ACVR1: variants seen among roughly 807,000 people sequenced by gnomAD.
ACVR1 encodes the protein activin receptor type-1.
In ACVR1, 38 loss-of-function variants were observed where a neutral mutation model predicts 57.1. That is an observed-to-expected ratio of 0.67 (90% CI 0.51 to 0.87). The LOEUF (loss-of-function observed/expected upper bound fraction) is 0.87. Ranked by LOEUF, ACVR1 falls within the 40% of genes least tolerant of loss-of-function variation. The probability of loss-of-function intolerance (pLI) is 0.00; values close to 1 mark genes in which losing one functional copy is unlikely to be tolerated. For synonymous variants in ACVR1, 212 were observed against 228.1 expected, an observed-to-expected ratio of 0.93 and a Z score of 0.63; for missense variants, 463 against 638.2, an observed-to-expected ratio of 0.73 and a Z score of 2.96.
intron 7 of ACVR1, among the ~76,000 whole-genome samples, chr2:157,769,834 C>A (rs927677916): frequency 2.0e-5 from 3 of 152,162 alleles, no homozygotes; most frequent in African/African-American, 7.2e-5. Context: ...AGTATTTCAA[C>A]GGGCACTTTA....
chr2:157,847,755 GA>G (rs1300674580), intron 1 of ACVR1, among the ~76,000 whole-genome samples: 1 of 152,166 alleles, frequency 6.6e-6, no homozygotes, highest in Non-Finnish European at 1.5e-5. Flanking sequence ...ACAGAAGAGA[GA>G]AAAACTGATT....
chr2:157,748,631 TA>T (rs796281012), intron 9 of ACVR1, among the ~76,000 whole-genome samples: 141 of 141,092 alleles, frequency 1.0e-3, no homozygotes, highest in African/African-American at 1.3e-3. Flanking sequence ...ATGATTCCAT[TA>T]AAAAAAAAAA....
At chr2:157,858,868 T>G (rs1689628012) in intron 1 of ACVR1, among the ~76,000 whole-genome samples, 3 of 152,202 alleles carry the variant, frequency 2.0e-5, no homozygotes, top group African/African-American at 7.2e-5. Context: ...ATCCTCCTGC[T>G]TCGGCCTCCC....
intron 3 of ACVR1, among the ~76,000 whole-genome samples, chr2:157,788,894 A>G (rs941969709): frequency 2.0e-5 from 3 of 152,146 alleles, no homozygotes; most frequent in African/African-American, 7.2e-5. Flanking sequence ...CCAAGGCCCT[A>G]CCAAGTCCAG....
intron 3 of ACVR1, among the ~76,000 whole-genome samples, chr2:157,792,418 C>G (rs950067438): frequency 2.0e-5 from 3 of 152,174 alleles, no homozygotes; most frequent in African/African-American, 7.2e-5. Flanking sequence ...ATGTAAACTT[C>G]CCTCTTCCTC....
intron 1 of ACVR1, among the ~76,000 whole-genome samples, chr2:157,827,075 C>T (rs1574117368): frequency 2.0e-5 from 3 of 152,012 alleles, no homozygotes; most frequent in Admixed American, 2.0e-4. Context: ...AAATTTCTAC[C>T]CTAGGCTTAA....
At chr2:157,857,933 T>C (rs932931689) in intron 1 of ACVR1, among the ~76,000 whole-genome samples, 6 of 152,236 alleles carry the variant, frequency 3.9e-5, no homozygotes, top group African/African-American at 1.4e-4. Context: ...TTCTTCCTTG[T>C]TGACATAACT....
intron 1 of ACVR1, among the ~76,000 whole-genome samples, chr2:157,865,182 T>G (rs1454842744): frequency 6.7e-6 from 1 of 149,764 alleles, no homozygotes; most frequent in South Asian, 2.1e-4. Context: ...AACAAATTAC[T>G]AAACTTTAGA....
At chr2:157,766,705 A>G (rs1403357192) in intron 7 of ACVR1, among the ~76,000 whole-genome samples, 1 of 152,214 alleles carries the variant, frequency 6.6e-6, no homozygotes, top group Non-Finnish European at 1.5e-5. Flanking sequence ...ACATTAAATG[A>G]TTGACTGATT....
rs1226764570 is a variant in ACVR1 at position 157,737,566 on chromosome 2, C to T, written c.1495G>A (p.Asp499Asn). The change falls in exon 11 of 11, where the codon GAT becomes AAT. Residue 499 changes from aspartate to asparagine, a missense_variant. By Grantham distance (23) the Asp-to-Asn change is conservative. This residue lies in a region of ACVR1 where 146 missense variants were observed against 186.6 expected (regional missense o/e 0.78). Transcript: ENST00000434821. ...GTTTTCAATTTGTCGAGGGAATTAT[C>T]AATTTTGGTCAAAGTCTTTTTGATA... ...LRIKKTLTKI[D>N]NSLDKLKTDC 1 of 1,614,076 alleles carries T rather than the reference C, an allele frequency of 6.2e-7. No individual in the cohort carries two copies. Among genetic ancestry groups the T allele is most frequent in the Middle Eastern group, 1.6e-4 (1 of 6,062 alleles).
At chr2:157,843,593 C>T (rs1689040614) in intron 1 of ACVR1, among the ~76,000 whole-genome samples, 1 of 152,208 alleles carries the variant, frequency 6.6e-6, no homozygotes, top group Non-Finnish European at 1.5e-5. Context: ...CAAACCCACA[C>T]TTGCCTGACA....
intron 2 of ACVR1, among the ~76,000 whole-genome samples, chr2:157,800,354 G>A (rs762182997): frequency 7.9e-5 from 12 of 152,104 alleles, no homozygotes; most frequent in Non-Finnish European, 1.5e-4. Flanking sequence ...TAGGCTGGGT[G>A]CGGTGGCTCA....
chr2:157,866,603 C>T (rs557763216), intron 1 of ACVR1, among the ~76,000 whole-genome samples: 4 of 152,180 alleles, frequency 2.6e-5, no homozygotes, highest in Admixed American at 1.3e-4. Context: ...TCTATGATAC[C>T]AAGAAAAGGT....
chr2:157,857,602 C>A (rs189665983), intron 1 of ACVR1, among the ~76,000 whole-genome samples: 3 of 152,124 alleles, frequency 2.0e-5, no homozygotes, highest in Admixed American at 6.5e-5. Context: ...TGCCTCCGTA[C>A]AAGGTTATTA....
At chr2:157,778,780 T>C (rs549854550) in intron 4 of ACVR1, among the ~76,000 whole-genome samples, 1 of 152,268 alleles carries the variant, frequency 6.6e-6, no homozygotes, top group East Asian at 1.9e-4. Flanking sequence ...CTACTGCTGG[T>C]TTCTCACTGA....
chr2:157,819,099 A>AC (rs1231216824), intron 1 of ACVR1, among the ~76,000 whole-genome samples: 2 of 150,706 alleles, frequency 1.3e-5, no homozygotes, highest in Non-Finnish European at 3.0e-5. Context: ...AAAAAAAAAA[A>AC]AAAACCAGTA....
chr2:157,801,256 T>A (rs1190350046), intron 2 of ACVR1, among the ~76,000 whole-genome samples: 1 of 152,220 alleles, frequency 6.6e-6, no homozygotes, highest in Non-Finnish European at 1.5e-5. Context: ...TTACATAATG[T>A]TAGCGTGGAC....
chr2:157,804,452 T>C (rs1374307362), intron 2 of ACVR1, among the ~76,000 whole-genome samples: 2 of 152,214 alleles, frequency 1.3e-5, no homozygotes, highest in African/African-American at 4.8e-5. Flanking sequence ...AAGGTAGTCA[T>C]AGCTGCATAT....
chr2:157,799,766 AG>A (rs1687256933), intron 2 of ACVR1, among the ~76,000 whole-genome samples: 1 of 152,242 alleles, frequency 6.6e-6, no homozygotes, highest in Non-Finnish European at 1.5e-5. Flanking sequence ...GAAATCAATA[AG>A]GAAACAAAAA....
Sources: gnomAD v4.1 joint callset for allele counts (sites outside exome capture counted in the v4.1 genomes callset) on GRCh38, gnomAD v4.1.1 for gene constraint, gnomAD v4.1.1 regional missense constraint, MANE v1.5 for transcripts, NCBI Gene and HGNC (gene_info 2026-07-23, HGNC 2026-07-21) for gene names.